Variants in GRM8 observed in about 807,000 individuals in gnomAD.
The protein encoded by GRM8 is metabotropic glutamate receptor 8.
GRM8 carries 47 observed loss-of-function variants against 87.2 expected under a neutral mutation model. That is an observed-to-expected ratio of 0.54 (90% confidence interval 0.43 to 0.69). GRM8 has a LOEUF of 0.69. Ranked by LOEUF, GRM8 falls within the 30% of genes least tolerant of loss-of-function variation. GRM8 has a pLI of 0.00. For synonymous variants in GRM8, 396 were observed against 404.5 expected, an observed-to-expected ratio of 0.98 and a Z score of 0.25; for missense variants, 1,019 against 1,139.2, an observed-to-expected ratio of 0.89 and a Z score of 1.52.
chr7:126,790,660 C>A (rs1350826504), intron 6 of GRM8, among the ~76,000 whole-genome samples: 2 of 152,084 alleles, frequency 1.3e-5, no homozygotes, highest in Non-Finnish European at 2.9e-5. Flanking sequence ...CGTGCCAAGG[C>A]AGTCAGAGGG....
At chr7:126,583,367 A>ACC (rs1318666486) in intron 8 of GRM8, among the ~76,000 whole-genome samples, 1 of 151,866 alleles carries the variant, frequency 6.6e-6, no homozygotes, top group Non-Finnish European at 1.5e-5. Context: ...ACACACACAC[A>ACC]CATAAAATAA....
chr7:126,448,614 A>T (rs1455100940), intron 9 of GRM8, among the ~76,000 whole-genome samples: 7 of 151,978 alleles, frequency 4.6e-5, no homozygotes, highest in Non-Finnish European at 7.4e-5. Context: ...TATTAGAATT[A>T]AATAGTACCA....
chr7:126,467,616 T>C (rs1804657540), intron 9 of GRM8, among the ~76,000 whole-genome samples: 4 of 152,042 alleles, frequency 2.6e-5, no homozygotes, highest in Admixed American at 2.6e-4. Flanking sequence ...TTAGTCTAGT[T>C]CCTTTTAAAC....
At chr7:126,606,211 C>T (rs1170667002) in intron 8 of GRM8, among the ~76,000 whole-genome samples, 1 of 152,168 alleles carries the variant, frequency 6.6e-6, no homozygotes, top group Non-Finnish European at 1.5e-5. Context: ...CAGAGACTGT[C>T]TCTGAACTTT....
intron 3 of GRM8, among the ~76,000 whole-genome samples, chr7:127,077,840 G>A (rs1822448208): frequency 6.6e-6 from 1 of 152,086 alleles, no homozygotes; most frequent in South Asian, 2.1e-4. Flanking sequence ...CTACTACTTA[G>A]AAGTAGCAAC....
At chr7:126,832,179 A>G (rs1050773397) in intron 6 of GRM8, among the ~76,000 whole-genome samples, 2 of 151,784 alleles carry the variant, frequency 1.3e-5, no homozygotes, top group African/African-American at 4.8e-5. Flanking sequence ...TCCAAAAAAA[A>G]AAAAAAGAAA....
chr7:127,036,241 G>T (rs1311498597), intron 3 of GRM8, among the ~76,000 whole-genome samples: 1 of 152,082 alleles, frequency 6.6e-6, no homozygotes, highest in African/African-American at 2.4e-5. Context: ...AGGAGCTAAG[G>T]AATCTGCTTA....
At chr7:126,957,036 T>C (rs2131645362) in intron 3 of GRM8, among the ~76,000 whole-genome samples, 1 of 152,266 alleles carries the variant, frequency 6.6e-6, no homozygotes, top group Admixed American at 6.5e-5. Flanking sequence ...AGGACCACGG[T>C]GTGAACACTT....
At chr7:126,585,552 G>T (rs761476986) in intron 8 of GRM8, among the ~76,000 whole-genome samples, 1 of 151,976 alleles carries the variant, frequency 6.6e-6, no homozygotes, top group African/African-American at 2.4e-5. Flanking sequence ...ACATAATCCC[G>T]CATATAAACA....
At chr7:126,572,843 G>C (rs1794795652) in intron 8 of GRM8, among the ~76,000 whole-genome samples, 1 of 152,106 alleles carries the variant, frequency 6.6e-6, no homozygotes, top group Non-Finnish European at 1.5e-5. Flanking sequence ...AAAACAAGGA[G>C]ACACAGAGGT....
chr7:126,442,034 T>C (rs1801527944), intron 10 of GRM8, among the ~76,000 whole-genome samples: 2 of 151,878 alleles, frequency 1.3e-5, no homozygotes, highest in African/African-American at 4.8e-5. Flanking sequence ...GCCAGGTTAC[T>C]GGGCCTCAGT....
At chr7:126,675,234 C>G (rs889249401) in intron 7 of GRM8, among the ~76,000 whole-genome samples, 7 of 152,028 alleles carry the variant, frequency 4.6e-5, no homozygotes, top group Non-Finnish European at 7.4e-5. Context: ...GAGACTGAAC[C>G]AGTAATACCT....
At chr7:127,165,016 G>A (rs1054601392) in intron 2 of GRM8, among the ~76,000 whole-genome samples, 1 of 151,174 alleles carries the variant, frequency 6.6e-6, no homozygotes, top group African/African-American at 2.4e-5. Context: ...CATTTATTCA[G>A]CAAATATTCC....
At chr7:126,826,313 T>C (rs1015048319) in intron 6 of GRM8, among the ~76,000 whole-genome samples, 2 of 152,304 alleles carry the variant, frequency 1.3e-5, no homozygotes, top group African/African-American at 4.8e-5. Flanking sequence ...TCCACAATGG[T>C]TGAACTAGTT....
At chr7:127,098,044 C>T (rs1824851263) in intron 3 of GRM8, among the ~76,000 whole-genome samples, 1 of 152,278 alleles carries the variant, frequency 6.6e-6, no homozygotes, top group South Asian at 2.1e-4. Context: ...AAATCATATG[C>T]ATGTCCTTTG....
intron 7 of GRM8, among the ~76,000 whole-genome samples, chr7:126,631,058 AG>A (rs1423711542): frequency 2.0e-5 from 3 of 152,166 alleles, no homozygotes; most frequent in African/African-American, 7.2e-5. Flanking sequence ...AAAAAAATAA[AG>A]GGTATTCAAA....
At chr7:127,054,028 A>C (rs11563766) in intron 3 of GRM8, among the ~76,000 whole-genome samples, 12,130 of 152,184 alleles carry the variant, frequency 0.08, 523 homozygotes, top group South Asian at 0.13. Flanking sequence ...ACTACTAAAT[A>C]CGAGTCAGGA....
In GRM8 at chr7:126,795,805, G is replaced by A. The variant is rs1821885170; in HGVS notation, c.1157-25740C>T. ...AGTAAGGGAGAAGATTAAGTTTACT[G>A]GATGTATGTTGCTGCAGCCAGTGAA... is the stretch of plus-strand genomic sequence containing the variant. On this transcript the variant is annotated intron_variant, in intron 6 of 10. Coordinates refer to ENST00000339582, the MANE Select transcript of GRM8 (RefSeq NM_000845.3). Among the ~76,000 whole-genome samples the A allele has an allele frequency of 1.3e-5, 2 of 151,908 alleles. 1 individual carries two copies. The highest frequency in any genetic ancestry group is 4.2e-4 in the South Asian group (2 of 4,818).
At chr7:126,700,013 G>A (rs573894192) in intron 7 of GRM8, among the ~76,000 whole-genome samples, 14 of 152,256 alleles carry the variant, frequency 9.2e-5, no homozygotes, top group Non-Finnish European at 1.6e-4. Flanking sequence ...GATGTTAACT[G>A]ATATTGGGAC....
Sources: allele counts gnomAD v4.1 joint callset (sites outside exome capture counted in the v4.1 genomes callset), GRCh38; gene constraint gnomAD v4.1.1; transcripts MANE v1.5; gene names NCBI Gene and HGNC (gene_info 2026-07-23, HGNC 2026-07-21).